Variants in WDHD1 observed in about 807,000 individuals in gnomAD.
The protein encoded by WDHD1 is WD repeat and HMG-box DNA binding protein 1.
Under a neutral mutation model 135.4 loss-of-function variants are expected in WDHD1, and 111 were observed. The observed-to-expected ratio is 0.82, with a 90% CI of 0.70 to 0.96. WDHD1 has a LOEUF of 0.96. WDHD1 is among the 40% of genes least tolerant of loss of function. WDHD1 has a pLI of 0.00. For missense variants in WDHD1, 1,351 were observed against 1,336.3 expected, an observed-to-expected ratio of 1.01 and a Z score of -0.17; for synonymous variants, 434 against 439.0, an observed-to-expected ratio of 0.99 and a Z score of 0.14.
chr14:55,017,559 T>C (rs1330490772), intron 2 of WDHD1, among the ~76,000 whole-genome samples: 1 of 152,142 alleles, frequency 6.6e-6, no homozygotes, highest in African/African-American at 2.4e-5. Context: ...GCCAGCCTGG[T>C]CTCGAACTCT....
At chr14:54,993,967 T>C (rs2041837496) in intron 11 of WDHD1, among the ~76,000 whole-genome samples, 1 of 152,260 alleles carries the variant, frequency 6.6e-6, no homozygotes, top group African/African-American at 2.4e-5. Context: ...ACTGCTGTTC[T>C]ATAAACTCTA....
intron 2 of WDHD1, 47 bp downstream of exon 2, chr14:55,026,664 A>G (rs1323630976): frequency 1.3e-6 from 2 of 1,579,486 alleles, no homozygotes; most frequent in Non-Finnish European, 1.7e-6. Context: ...TTAAGGATAA[A>G]TGTTTTAACA....
At chr14:54,968,514 G>A (rs1264064645) in intron 16 of WDHD1, among the ~76,000 whole-genome samples, 2 of 151,972 alleles carry the variant, frequency 1.3e-5, no homozygotes, top group East Asian at 3.9e-4. Flanking sequence ...TAAAATAACA[G>A]CAGAACTAAA....
rs1294295458 is a variant in WDHD1, at chr14:54,966,506, T to A, written c.2279A>T (p.Glu760Val). ...CATTTTCATTAAAAGTTCCTGTTGCTCTTTTGTTGCTTGATTTTTAGTGCT... is the reference window on the plus strand; with the variant it reads ...CATTTTCATTAAAAGTTCCTGTTGCACTTTTGTTGCTTGATTTTTAGTGCT... ...EESTKNQATK[E>V]QQELLMKMLA... Residue 760 changes from glutamate (E) to valine (V), a missense_variant, in exon 18 of 26, where the codon GAG (glutamate) becomes GTG (valine). Physicochemically the swap from Glu to Val is moderately radical, Grantham distance 121. This residue lies in a region of WDHD1 where 1,330 missense variants were observed against 1,296.1 expected (regional missense o/e 1.03). Coordinates refer to ENST00000360586, the MANE Select transcript of WDHD1 (RefSeq NM_007086.4). 6.2e-7 allele frequency: 1 copy of A among 1,604,636 alleles called. No homozygotes were observed. The highest frequency in any genetic ancestry group is 1.3e-5 in the African/African-American group (1 of 74,260).
At chr14:54,942,230 G>A (rs1018264826) in intron 25 of WDHD1, among the ~76,000 whole-genome samples, 5 of 151,276 alleles carry the variant, frequency 3.3e-5, no homozygotes, top group South Asian at 2.1e-4. Context: ...CAGCCTGGGC[G>A]AGAGCAAGAC....
chr14:54,984,769 AG>A lies in WDHD1; in HGVS notation c.1859del (p.Pro620LeufsTer68). The A allele has an allele frequency of 6.2e-7, 1 of 1,613,856 alleles. No homozygotes were observed. ...KKQILHGDPL[P>X]LTRKSYLAWI... ...ATGCAAGGTAGGATTTCCTTGTAAG[AG>A]GAAGAGGGTCACCATGCAAAATTTG... On this transcript the variant is annotated frameshift_variant, in exon 15 of 26. Transcript: ENST00000360586. LOFTEE classifies it high-confidence loss of function.
intron 21 of WDHD1, 108 bp downstream of exon 21, chr14:54,962,390 A>G (rs1415921323): frequency 1.2e-6 from 1 of 820,542 alleles, no homozygotes; most frequent in Admixed American, 2.2e-5. Context: ...ATAAACACAC[A>G]CACACCAAAA....
chr14:54,944,524 C>T (rs1052472936), intron 24 of WDHD1, 54 bp from the exon 25 acceptor site: 41 of 1,484,896 alleles, frequency 2.8e-5, no homozygotes, highest in Non-Finnish European at 3.7e-5. Context: ...GTTTAAAGTG[C>T]CTCATGATTT....
chr14:54,963,525 C>T (rs1356901324), intron 18 of WDHD1, among the ~76,000 whole-genome samples: 3 of 152,048 alleles, frequency 2.0e-5, no homozygotes, highest in Non-Finnish European at 4.4e-5. Context: ...AAGGGGGAGG[C>T]TGGGCACGGT....
intron 2 of WDHD1, among the ~76,000 whole-genome samples, chr14:55,013,810 G>C (rs548150989): frequency 6.6e-6 from 1 of 152,192 alleles, no homozygotes; most frequent in East Asian, 1.9e-4. Context: ...GGAGGCTGCA[G>C]TAGGAAGATA....
intron 4 of WDHD1, among the ~76,000 whole-genome samples, chr14:55,009,395 A>G (rs577143414): frequency 7.2e-5 from 11 of 152,268 alleles, no homozygotes; most frequent in African/African-American, 2.6e-4. Context: ...GAAACTCCAA[A>G]ATATTCTGAC....
chr14:54,962,767 T>C lies in WDHD1; in HGVS notation c.2618A>G (p.Asp873Gly), dbSNP rs374048690. Residue 873 changes from aspartate (D) to glycine (G), a missense_variant, in exon 20 of 26, where the codon GAT becomes GGT. Transcript: ENST00000360586. ...CTTATGTATTTCTGGTTTTTCTTCA[T>C]CATCAGCTTCTCCACTGTCCTCAGC... ...EDAEDSGEADDEEKPEIHKPG... is the reference protein window; with the variant it reads ...EDAEDSGEADGEEKPEIHKPG... 9.9e-6 allele frequency: 16 copies of C among 1,613,972 alleles called. No homozygotes were observed. The highest frequency in any genetic ancestry group is 1.2e-5 in the Non-Finnish European group (14 of 1,180,018).
At chr14:54,991,443 A>C in intron 11 of WDHD1, 43 bp from the exon 12 acceptor site, 1 of 1,560,574 alleles carries the variant, frequency 6.4e-7, no homozygotes, top group Non-Finnish European at 8.8e-7. Context: ...ACGAATACCA[A>C]TGATTTGGAA....
chr14:55,009,568 A>C (rs937285399), intron 4 of WDHD1, among the ~76,000 whole-genome samples: 1 of 151,448 alleles, frequency 6.6e-6, no homozygotes, highest in African/African-American at 2.4e-5. Flanking sequence ...AGTAGCCGGG[A>C]TTATAGGCAC....
At chr14:55,001,232 C>T (rs1310901179) in intron 8 of WDHD1, among the ~76,000 whole-genome samples, 1 of 152,150 alleles carries the variant, frequency 6.6e-6, no homozygotes, top group Non-Finnish European at 1.5e-5. Context: ...CCAGCTATTA[C>T]TTTATCATGA....
At chr14:54,968,559 A>G (rs1418057407) in intron 16 of WDHD1, among the ~76,000 whole-genome samples, 1 of 152,206 alleles carries the variant, frequency 6.6e-6, no homozygotes, top group Non-Finnish European at 1.5e-5. Flanking sequence ...ACAAAGGATC[A>G]ATAAAACAAA....
At chr14:54,994,179 G>T (rs2041840373) in intron 11 of WDHD1, among the ~76,000 whole-genome samples, 1 of 152,142 alleles carries the variant, frequency 6.6e-6, no homozygotes, top group Admixed American at 6.6e-5. Flanking sequence ...TCTATTTGAA[G>T]ATTTTAAATT....
At chr14:54,993,439 T>C (rs1052851136) in intron 11 of WDHD1, among the ~76,000 whole-genome samples, 3 of 152,132 alleles carry the variant, frequency 2.0e-5, no homozygotes, top group Non-Finnish European at 4.4e-5. Context: ...AATCTTAACA[T>C]AACAGAGCCG....
In WDHD1 at chr14:55,021,737, G is replaced by A. The variant is rs139110535; in HGVS notation, c.77+4974C>T. Among the ~76,000 whole-genome samples the A allele has an allele frequency of 6.9e-3, 1,051 of 152,142 alleles. 13 individuals carry two copies. The highest frequency in any genetic ancestry group is 0.024 in the African/African-American group (977 of 41,508). On this transcript the variant is annotated intron_variant, in intron 2 of 25. Transcript: ENST00000360586. Reference sequence around the variant, plus strand: ...AAGGTCTATATCTTGAAATTACTTCGCTCCCTTATCTTTTTTGCCATACCC... The same window carrying A: ...AAGGTCTATATCTTGAAATTACTTCACTCCCTTATCTTTTTTGCCATACCC...
Sources: gnomAD v4.1 joint callset for allele counts (sites outside exome capture counted in the v4.1 genomes callset) on GRCh38, gnomAD v4.1.1 for gene constraint, gnomAD v4.1.1 regional missense constraint, MANE v1.5 for transcripts, NCBI Gene and HGNC (gene_info 2026-07-23, HGNC 2026-07-21) for gene names.